The following ESR1 variants were observed in gnomAD, a reference collection of about 807,000 sequenced individuals.
ESR1 encodes the protein estrogen receptor.
A neutral mutation model predicts 52.7 loss-of-function variants in ESR1; 12 were observed. That is an observed-to-expected ratio of 0.23 (90% CI 0.15 to 0.37). The LOEUF (loss-of-function observed/expected upper bound fraction) is 0.37, where lower values mean the gene tolerates loss of function less well. ESR1 is among the 10% of genes least tolerant of loss of function. The pLI is 1.00. For missense variants in ESR1, 584 were observed against 779.7 expected, an observed-to-expected ratio of 0.75 and a Z score of 2.99; for synonymous variants, 305 against 316.8, an observed-to-expected ratio of 0.96 and a Z score of 0.39.
At chr6:152,124,075 G>A (rs1013627218) in intron 6 of ESR1, among the ~76,000 whole-genome samples, 1 of 152,254 alleles carries the variant, frequency 6.6e-6, no homozygotes, top group African/African-American at 2.4e-5. Flanking sequence ...TGTAATCCCA[G>A]CGCTTTGGGA....
intron 1 of ESR1, among the ~76,000 whole-genome samples, chr6:151,674,830 AC>A (rs1471249875): frequency 8.5e-5 from 13 of 152,198 alleles, no homozygotes; most frequent in African/African-American, 2.7e-4. Context: ...CACCAAACTC[AC>A]CTGCCCCACT....
At chr6:152,018,311 CA>C (rs149653343) in intron 5 of ESR1, among the ~76,000 whole-genome samples, 19,378 of 136,220 alleles carry the variant, frequency 0.14, 1,296 homozygotes, top group East Asian at 0.2. Context: ...AAAAAATATG[CA>C]AAAAAAAAAA....
At chr6:151,839,087 G>C (rs1783863123) in intron 1 of ESR1, among the ~76,000 whole-genome samples, 1 of 152,110 alleles carries the variant, frequency 6.6e-6, no homozygotes, top group South Asian at 2.1e-4. Context: ...TAAGCACATG[G>C]CATTTTAAAG....
chr6:151,979,290 T>C (rs2039762079), intron 4 of ESR1, among the ~76,000 whole-genome samples: 1 of 152,152 alleles, frequency 6.6e-6, no homozygotes. Flanking sequence ...TAAATACAAC[T>C]TTTATAGTAA....
intron 2 of ESR1, among the ~76,000 whole-genome samples, chr6:151,753,933 G>A (rs565061796): frequency 6.6e-5 from 10 of 152,190 alleles, no homozygotes; most frequent in African/African-American, 1.4e-4. Context: ...CTGCTACTGC[G>A]GGAAGAAATA....
At position 152,125,186 on chromosome 6, in the gene ESR1, G is replaced by A. The variant is rs981434917; in HGVS notation, c.851-80G>A. 12 of 1,488,160 alleles carry A rather than the reference G, an allele frequency of 8.1e-6. No homozygotes were observed. In the East Asian group the frequency reaches 1.5e-4, roughly 18 times the overall value. 92.2% of individuals were successfully genotyped at this position (1,488,160 alleles called of 1,614,324 possible). ...CAGGCTTCCAAAATCCCTGCCCACC[G>A]CACTCTCTGCTGTGAAATGTTTTGC... On this transcript the variant is annotated intron_variant, in intron 6 of 6. Transcript: ENST00000427531.
At chr6:151,731,893 T>C (rs1782272622) in intron 2 of ESR1, among the ~76,000 whole-genome samples, 1 of 152,164 alleles carries the variant, frequency 6.6e-6, no homozygotes, top group Non-Finnish European at 1.5e-5. Context: ...GTTTTCCCAC[T>C]AATCAGAAGA....
In ESR1 at chr6:152,099,223, G is replaced by A. The variant is rs991365162; in HGVS notation, c.*257G>A. On this transcript the variant is annotated 3_prime_UTR_variant, in exon 8 of 8. Transcript: ENST00000206249. ...TTTCCCCCTTGCTATGTTACTAAGC[G>A]TGAGGATTCCCGTAGCTCTTCACAG... 1.0e-4 allele frequency: 56 copies of A among 536,444 alleles called. 1 individual carries two copies. The Middle Eastern group carries it at 1.5e-3, about 14-fold the overall frequency. The allele number at this position is 536,444 out of a possible 1,614,324, so 33.2% of individuals were successfully genotyped here.
At chr6:151,703,108 C>A (rs960456877) in intron 2 of ESR1, among the ~76,000 whole-genome samples, 1 of 152,208 alleles carries the variant, frequency 6.6e-6, no homozygotes, top group Non-Finnish European at 1.5e-5. Context: ...AAAAACCAGA[C>A]TGGCAAATAT....
chr6:152,000,417 T>G (rs1303640630), intron 4 of ESR1, among the ~76,000 whole-genome samples: 6 of 152,170 alleles, frequency 3.9e-5, no homozygotes, highest in Admixed American at 1.3e-4. Flanking sequence ...AACAGTCCTG[T>G]TGAGACACTT....
At chr6:152,039,887 A>C (rs2045640111) in intron 5 of ESR1, among the ~76,000 whole-genome samples, 1 of 152,196 alleles carries the variant, frequency 6.6e-6, no homozygotes, top group African/African-American at 2.4e-5. Flanking sequence ...CCACTGCTGC[A>C]CTTCTTTAGC....
chr6:151,718,774 G>C (rs959305521), intron 2 of ESR1, among the ~76,000 whole-genome samples: 11 of 152,194 alleles, frequency 7.2e-5, no homozygotes, highest in Admixed American at 5.2e-4. Context: ...GTGGAACTCT[G>C]CTCAGAGTCC....
At chr6:151,713,315 T>C (rs531895375) in intron 2 of ESR1, among the ~76,000 whole-genome samples, 5 of 152,328 alleles carry the variant, frequency 3.3e-5, no homozygotes, top group African/African-American at 1.2e-4. Context: ...TTGTTGTGTC[T>C]CTGCCAAGTT....
intron 6 of ESR1, among the ~76,000 whole-genome samples, chr6:152,113,908 G>T (rs1323405325): frequency 1.3e-5 from 2 of 152,242 alleles, no homozygotes; most frequent in Non-Finnish European, 2.9e-5. Flanking sequence ...CAGCTAGGAA[G>T]TGGCTGAGCT....
downstream of ESR1, among the ~76,000 whole-genome samples, chr6:152,105,172 G>A (rs1224103668): frequency 1.3e-5 from 2 of 152,092 alleles, no homozygotes; most frequent in African/African-American, 4.8e-5. Flanking sequence ...GTAAATATAA[G>A]TGTTTCCCTA....
At chr6:151,841,725 T>A (rs1180798858) in intron 1 of ESR1, among the ~76,000 whole-genome samples, 4 of 152,150 alleles carry the variant, frequency 2.6e-5, no homozygotes, top group African/African-American at 9.7e-5. Context: ...TTTCTACATT[T>A]TTTTTTTCTG....
intron 2 of ESR1, among the ~76,000 whole-genome samples, chr6:151,709,724 G>A (rs528404777): frequency 1.3e-5 from 2 of 151,194 alleles, no homozygotes; most frequent in African/African-American, 2.4e-5. Context: ...GTGATGCTGA[G>A]CATTTTTTCT....
chr6:151,682,768 G>A (rs908711617), intron 1 of ESR1, among the ~76,000 whole-genome samples: 1 of 152,134 alleles, frequency 6.6e-6, no homozygotes, highest in Non-Finnish European at 1.5e-5. Context: ...TCAGAAAAAT[G>A]CACATATTCT....
At chr6:151,996,352 T>A (rs2041482218) in intron 4 of ESR1, among the ~76,000 whole-genome samples, 1 of 152,128 alleles carries the variant, frequency 6.6e-6, no homozygotes, top group Non-Finnish European at 1.5e-5. Context: ...CCTCTCTATG[T>A]GTTCTATTTG....
Sources: allele counts gnomAD v4.1 joint callset (sites outside exome capture counted in the v4.1 genomes callset), GRCh38; gene constraint gnomAD v4.1.1; transcripts MANE v1.5; gene names NCBI Gene and HGNC (gene_info 2026-07-23, HGNC 2026-07-21).